STARD13: variants seen among roughly 807,000 people sequenced by gnomAD.
STARD13 encodes stAR-related lipid transfer protein 13.
Under a neutral mutation model 106.4 loss-of-function variants are expected in STARD13, and 62 were observed. The ratio of observed to expected loss-of-function variants is 0.58; its 90% confidence interval spans 0.48 to 0.72. The LOEUF is 0.72. Ranked by LOEUF, STARD13 falls within the 30% of genes least tolerant of loss-of-function variation. STARD13 has a pLI of 0.00. For synonymous variants in STARD13, 565 were observed against 553.0 expected, an observed-to-expected ratio of 1.02 and a Z score of -0.31; for missense variants, 1,387 against 1,424.0, an observed-to-expected ratio of 0.97 and a Z score of 0.42.
chr13:33,313,331 T>C (rs1893212341), intron 1 of STARD13, among the ~76,000 whole-genome samples: 4 of 152,222 alleles, frequency 2.6e-5, no homozygotes, highest in Non-Finnish European at 4.4e-5. Context: ...AGGAACTCAA[T>C]AAGCAGAAGC....
At chr13:33,536,153 CA>C in the STARD13 span, among the ~76,000 whole-genome samples, 1 of 152,038 alleles carries the variant, frequency 6.6e-6, no homozygotes, top group Non-Finnish European at 1.5e-5. Flanking sequence ...ACTGAAGACT[CA>C]AAGGTGGAAA....
At chr13:33,205,131 T>TA (rs1351994940) in intron 1 of STARD13, among the ~76,000 whole-genome samples, 16 of 152,290 alleles carry the variant, frequency 1.1e-4, no homozygotes, top group Non-Finnish European at 2.2e-4. Context: ...CACTTAGATG[T>TA]AACATACAAT....
intron 4 of STARD13, among the ~76,000 whole-genome samples, chr13:33,141,054 G>A (rs958236956): frequency 2.0e-5 from 3 of 151,022 alleles, no homozygotes; most frequent in Non-Finnish European, 4.4e-5. Flanking sequence ...CACCGCAACT[G>A]GCCAAGAACA....
chr13:33,141,576 A>C (rs568928764), intron 4 of STARD13, among the ~76,000 whole-genome samples: 1 of 152,324 alleles, frequency 6.6e-6, no homozygotes, highest in Admixed American at 6.5e-5. Context: ...ACAAGTACAC[A>C]GTGGGGAGAA....
chr13:33,541,805 A>G, the STARD13 span, among the ~76,000 whole-genome samples: 1 of 152,218 alleles, frequency 6.6e-6, no homozygotes, highest in Non-Finnish European at 1.5e-5. Flanking sequence ...TTAAAATTAA[A>G]CGGAGCGGAT....
At chr13:33,275,716 A>G (rs1463884502) in intron 1 of STARD13, 2 of 152,250 alleles carry the variant, frequency 1.3e-5, no homozygotes, top group Admixed American at 6.5e-5. Flanking sequence ...TCACAGGGCT[A>G]TTTGAAAAAG....
At chr13:33,204,563 T>G (rs1325159244) in intron 1 of STARD13, among the ~76,000 whole-genome samples, 1 of 152,248 alleles carries the variant, frequency 6.6e-6, no homozygotes, top group Non-Finnish European at 1.5e-5. Flanking sequence ...TGGTTGTCAG[T>G]AACGGCATAA....
At chr13:33,236,750 C>T (rs375349978) in intron 1 of STARD13, among the ~76,000 whole-genome samples, 1 of 152,196 alleles carries the variant, frequency 6.6e-6, no homozygotes, top group South Asian at 2.1e-4. Flanking sequence ...CAATCCCTTG[C>T]GGACAGTGAG....
At chr13:33,161,798 A>G (rs1447401504) in intron 3 of STARD13, among the ~76,000 whole-genome samples, 1 of 152,224 alleles carries the variant, frequency 6.6e-6, no homozygotes, top group Non-Finnish European at 1.5e-5. Flanking sequence ...GACGTAGTCC[A>G]GTTCCACATG....
chr13:33,244,312 A>C (rs1224271017), intron 1 of STARD13, among the ~76,000 whole-genome samples: 1 of 152,030 alleles, frequency 6.6e-6, no homozygotes, highest in Non-Finnish European at 1.5e-5. Context: ...AAGTCACATT[A>C]CTGGGAAATA....
At chr13:33,647,695 G>C in the STARD13 span, among the ~76,000 whole-genome samples, 1 of 152,170 alleles carries the variant, frequency 6.6e-6, no homozygotes, top group Non-Finnish European at 1.5e-5. Flanking sequence ...ATGTATTCAA[G>C]ACACAGTAAA....
intron 1 of STARD13, among the ~76,000 whole-genome samples, chr13:33,180,017 C>T (rs1383637033): frequency 6.6e-6 from 1 of 152,200 alleles, no homozygotes; most frequent in African/African-American, 2.4e-5. Context: ...CATCAACCTG[C>T]CTGGAGATTC....
the STARD13 span, among the ~76,000 whole-genome samples, chr13:33,507,295 T>C: frequency 1.3e-5 from 2 of 152,170 alleles, no homozygotes; most frequent in Non-Finnish European, 2.9e-5. Context: ...TTTTTTTACA[T>C]GTAAAACTCT....
intron 1 of STARD13, among the ~76,000 whole-genome samples, chr13:33,338,677 G>A (rs1184402950): frequency 1.3e-5 from 2 of 151,998 alleles, no homozygotes; most frequent in East Asian, 1.9e-4. Context: ...AGATATAGGA[G>A]ATCGAGACCA....
At chr13:33,666,398 G>A in the STARD13 span, among the ~76,000 whole-genome samples, 15 of 151,762 alleles carry the variant, frequency 9.9e-5, no homozygotes, top group Non-Finnish European at 1.8e-4. Flanking sequence ...GGTTCACGCC[G>A]TTCTCCTGCC....
chr13:33,400,745 G>A, the STARD13 span, among the ~76,000 whole-genome samples: 1 of 152,180 alleles, frequency 6.6e-6, no homozygotes, highest in African/African-American at 2.4e-5. Flanking sequence ...TTACAGGCGT[G>A]AACCACCGCA....
chr13:33,476,051 T>C, the STARD13 span, among the ~76,000 whole-genome samples: 1 of 152,136 alleles, frequency 6.6e-6, no homozygotes, highest in Non-Finnish European at 1.5e-5. Flanking sequence ...GATCAATAAC[T>C]TCCATTGGTT....
chr13:33,672,538 C>A, the STARD13 span, among the ~76,000 whole-genome samples: 2 of 152,146 alleles, frequency 1.3e-5, no homozygotes, highest in African/African-American at 2.4e-5. Context: ...AAATAAATAA[C>A]TAAATAAAAT....
chr13:33,357,965 CAGGGAGGTGTGG>C, the STARD13 span, among the ~76,000 whole-genome samples: 1 of 152,234 alleles, frequency 6.6e-6, no homozygotes. Context: ...CCTCAGCTTG[CAGGGAGGTGTGG>C]AGGGAGAGGC....
Sources: allele counts gnomAD v4.1 joint callset (sites outside exome capture counted in the v4.1 genomes callset), GRCh38; gene constraint gnomAD v4.1.1; transcripts MANE v1.5; gene names NCBI Gene and HGNC (gene_info 2026-07-23, HGNC 2026-07-21).